The following GPC5 variants were observed in gnomAD, a reference collection of about 807,000 sequenced individuals.
GPC5 encodes the protein glypican-5.
GPC5 carries 47 observed loss-of-function variants against 53.9 expected under a neutral mutation model. The ratio of observed to expected loss-of-function variants is 0.87; its 90% confidence interval spans 0.69 to 1.11. GPC5 has a LOEUF of 1.11. GPC5 is among the 50% of genes most tolerant of loss of function. The pLI, the probability that GPC5 is intolerant of heterozygous loss-of-function variation, is 0.00. For missense variants in GPC5, 748 were observed against 713.1 expected, an observed-to-expected ratio of 1.05 and a Z score of -0.56; for synonymous variants, 286 against 263.3, an observed-to-expected ratio of 1.09 and a Z score of -0.84.
At chr13:91,948,202 T>A (rs2139054871) in intron 6 of GPC5, among the ~76,000 whole-genome samples, 1 of 146,068 alleles carries the variant, frequency 6.8e-6, no homozygotes, top group South Asian at 2.2e-4. Context: ...CATTCCAGCC[T>A]GGGCGACAGA....
chr13:92,152,085 GA>G (rs751058484), intron 7 of GPC5, among the ~76,000 whole-genome samples: 4 of 151,980 alleles, frequency 2.6e-5, no homozygotes, highest in African/African-American at 7.3e-5. Context: ...TAAATTACTT[GA>G]AAAAAATATT....
chr13:92,559,324 G>T (rs1442529319), intron 7 of GPC5, among the ~76,000 whole-genome samples: 1 of 115,172 alleles, frequency 8.7e-6, no homozygotes, highest in Non-Finnish European at 1.8e-5. Flanking sequence ...TCTTTGTAGT[G>T]TGTATATGTG....
At chr13:92,252,060 G>A (rs1428846622) in intron 7 of GPC5, among the ~76,000 whole-genome samples, 1 of 152,128 alleles carries the variant, frequency 6.6e-6, no homozygotes, top group East Asian at 1.9e-4. Flanking sequence ...AAGAGATAAA[G>A]TATCTGAGAA....
chr13:92,239,249 G>C (rs775003086), intron 7 of GPC5, among the ~76,000 whole-genome samples: 21 of 151,512 alleles, frequency 1.4e-4, no homozygotes, highest in Non-Finnish European at 2.2e-4. Context: ...AAAGAAGCAA[G>C]CTGACTTTTT....
chr13:92,187,017 T>C (rs1292455047), intron 7 of GPC5, among the ~76,000 whole-genome samples: 2 of 151,568 alleles, frequency 1.3e-5, no homozygotes, highest in African/African-American at 4.9e-5. Context: ...GAGGCTGAGG[T>C]AGGAGGATCG....
intron 7 of GPC5, among the ~76,000 whole-genome samples, chr13:92,373,622 CT>C (rs2139297239): frequency 6.6e-6 from 1 of 152,210 alleles, no homozygotes; most frequent in Non-Finnish European, 1.5e-5. Flanking sequence ...CGCTGTCTAC[CT>C]TCCAGGCATT....
At chr13:92,712,195 G>A (rs181819429) in intron 7 of GPC5, among the ~76,000 whole-genome samples, 3 of 151,600 alleles carry the variant, frequency 2.0e-5, no homozygotes, top group Non-Finnish European at 2.9e-5. Context: ...GAATCAAATG[G>A]GACATTGTTA....
intron 7 of GPC5, among the ~76,000 whole-genome samples, chr13:92,588,086 C>T (rs1006284426): frequency 6.6e-6 from 1 of 152,154 alleles, no homozygotes; most frequent in East Asian, 1.9e-4. Context: ...TCCCTCCAGC[C>T]CCCAACAGGC....
Position 91,611,357 on chromosome 13 carries a change from G to A in GPC5, c.326-81830G>A, listed in dbSNP as rs374331754. Among the ~76,000 whole-genome samples, 3 of 152,176 alleles carry A rather than the reference G, an allele frequency of 2.0e-5. No individual in the cohort carries two copies. In the East Asian group the frequency reaches 5.8e-4, roughly 29 times the overall value. ...TCTTTGCCCAAGGTCATGACTTTAAGTGATAAAGATAAAATGTGTAGCCTG... is the reference window on the plus strand; with the variant it reads ...TCTTTGCCCAAGGTCATGACTTTAAATGATAAAGATAAAATGTGTAGCCTG... On this transcript the variant is annotated intron_variant, in intron 2 of 7. Coordinates refer to ENST00000377067, the MANE Select transcript of GPC5 (RefSeq NM_004466.6).
Position 91,860,755 on chromosome 13 carries a change from G to C in GPC5, c.1281-47182G>C, listed in dbSNP as rs898106607. 9.9e-5 allele frequency among the ~76,000 whole-genome samples: 15 copies of C among 152,142 alleles called. No homozygotes were observed. The East Asian group carries it at 2.9e-3, about 30-fold the overall frequency. On this transcript the variant is annotated intron_variant, in intron 5 of 7. Coordinates refer to ENST00000377067, the MANE Select transcript of GPC5 (RefSeq NM_004466.6). ...GACCTCCAGTGATCCGCCTACCTCG[G>C]CCTTCCAAAGTGCTGGGATTACAGG... is the stretch of plus-strand genomic sequence containing the variant.
chr13:92,123,612 C>A (rs542874676), intron 6 of GPC5, among the ~76,000 whole-genome samples: 2 of 152,026 alleles, frequency 1.3e-5, no homozygotes, highest in Non-Finnish European at 2.9e-5. Flanking sequence ...ATGCACTGAC[C>A]TTTTGGTGTT....
intron 6 of GPC5, among the ~76,000 whole-genome samples, chr13:92,061,487 AAAG>A (rs2041123397): frequency 6.6e-6 from 1 of 152,070 alleles, no homozygotes; most frequent in Non-Finnish European, 1.5e-5. Flanking sequence ...CAGTGATAGG[AAAG>A]AAGAATTCAA....
intron 7 of GPC5, among the ~76,000 whole-genome samples, chr13:92,473,956 C>T (rs559779277): frequency 1.3e-5 from 2 of 152,172 alleles, no homozygotes; most frequent in African/African-American, 4.8e-5. Context: ...ATTGGGTTTG[C>T]CTTTGAAGCA....
chr13:92,811,722 G>T (rs909555184), intron 7 of GPC5, among the ~76,000 whole-genome samples: 2 of 151,708 alleles, frequency 1.3e-5, no homozygotes, highest in African/African-American at 4.9e-5. Flanking sequence ...TTTTCTAAGA[G>T]ATTTATAGTT....
chr13:92,390,704 G>A (rs1043623626), intron 7 of GPC5, among the ~76,000 whole-genome samples: 14 of 151,834 alleles, frequency 9.2e-5, no homozygotes, highest in Middle Eastern at 3.2e-3. Context: ...TTTTTAATGC[G>A]TATGTATGTG....
At chr13:92,550,644 C>T (rs2139015515) in intron 7 of GPC5, among the ~76,000 whole-genome samples, 1 of 151,814 alleles carries the variant, frequency 6.6e-6, no homozygotes, top group East Asian at 1.9e-4. Flanking sequence ...TATATTTTGA[C>T]TCATGTTTAG....
At chr13:92,405,630 T>C (rs1366556860) in intron 7 of GPC5, among the ~76,000 whole-genome samples, 1 of 152,228 alleles carries the variant, frequency 6.6e-6, no homozygotes, top group Non-Finnish European at 1.5e-5. Context: ...ATCTTGTCCT[T>C]GTGCAAGTAT....
chr13:92,321,135 T>C (rs1233150791), intron 7 of GPC5, among the ~76,000 whole-genome samples: 1 of 152,182 alleles, frequency 6.6e-6, no homozygotes, highest in Non-Finnish European at 1.5e-5. Flanking sequence ...CTTGACAAGA[T>C]GCCAATTTAA....
chr13:92,302,946 A>T (rs1355559501), intron 7 of GPC5, among the ~76,000 whole-genome samples: 1 of 152,168 alleles, frequency 6.6e-6, no homozygotes. Context: ...ACTCATTCTT[A>T]TACTTTTTGT....
Sources: allele counts gnomAD v4.1 joint callset (sites outside exome capture counted in the v4.1 genomes callset), GRCh38; gene constraint gnomAD v4.1.1; transcripts MANE v1.5; gene names NCBI Gene and HGNC (gene_info 2026-07-23, HGNC 2026-07-21).